FBXL7: variants seen among roughly 807,000 people sequenced by gnomAD.
The protein encoded by FBXL7 is F-box and leucine rich repeat protein 7.
In FBXL7, 12 loss-of-function variants were observed where a neutral mutation model predicts 38.3. The ratio of observed to expected loss-of-function variants is 0.31; its 90% CI spans 0.20 to 0.51. The LOEUF is 0.51. FBXL7 is among the 20% of genes least tolerant of loss of function. The pLI is 0.98. For synonymous variants in FBXL7, 297 were observed against 300.9 expected (o/e 0.99, Z 0.13); for missense variants, 567 against 676.4 (o/e 0.84, Z 1.79).
intron 2 of FBXL7, among the ~76,000 whole-genome samples, chr5:15,895,229 A>G (rs1051234716): frequency 2.0e-5 from 3 of 152,204 alleles, no homozygotes; most frequent in African/African-American, 7.2e-5. Context: ...ATGATTACCG[A>G]TGAGTGAGGG....
chr5:15,913,896 G>A (rs1458141379), intron 2 of FBXL7, among the ~76,000 whole-genome samples: 1 of 152,130 alleles, frequency 6.6e-6, no homozygotes, highest in Non-Finnish European at 1.5e-5. Flanking sequence ...AGAGAAGCCA[G>A]TTCCAGTTAT....
At chr5:15,519,884 G>A (rs1253951135) in intron 1 of FBXL7, among the ~76,000 whole-genome samples, 1 of 152,142 alleles carries the variant, frequency 6.6e-6, no homozygotes, top group African/African-American at 2.4e-5. Context: ...AAAGAATTCA[G>A]GGCGAGTCCA....
intron 1 of FBXL7, among the ~76,000 whole-genome samples, chr5:15,502,321 C>T (rs904870677): frequency 6.7e-6 from 1 of 149,222 alleles, no homozygotes; most frequent in African/African-American, 2.5e-5. Flanking sequence ...CCAGCATTCT[C>T]GTATTGTGCA....
intron 1 of FBXL7, among the ~76,000 whole-genome samples, chr5:15,548,635 G>A (rs1737981082): frequency 6.6e-6 from 1 of 152,264 alleles, no homozygotes; most frequent in Non-Finnish European, 1.5e-5. Flanking sequence ...CATTTTAGAA[G>A]GTTTATTTGC....
At chr5:15,761,877 T>G (rs1215243689) in intron 2 of FBXL7, among the ~76,000 whole-genome samples, 1 of 152,230 alleles carries the variant, frequency 6.6e-6, no homozygotes, top group Non-Finnish European at 1.5e-5. Flanking sequence ...CTTTTTTGAA[T>G]AAAAGTGCTT....
At chr5:15,726,057 T>A (rs139688080) in intron 2 of FBXL7, among the ~76,000 whole-genome samples, 6 of 152,310 alleles carry the variant, frequency 3.9e-5, no homozygotes, top group African/African-American at 1.4e-4. Context: ...TGATATTAGA[T>A]GTATGAAAGT....
intron 2 of FBXL7, among the ~76,000 whole-genome samples, chr5:15,828,300 C>T (rs1738367436): frequency 6.6e-6 from 1 of 152,022 alleles, no homozygotes; most frequent in African/African-American, 2.4e-5. Flanking sequence ...TATATAACAC[C>T]CAGATAAATT....
At chr5:15,921,817 G>A (rs1352293314) in intron 2 of FBXL7, among the ~76,000 whole-genome samples, 1 of 152,180 alleles carries the variant, frequency 6.6e-6, no homozygotes, top group Non-Finnish European at 1.5e-5. Context: ...CGTGTTAGGA[G>A]ATCTGTTATC....
At chr5:15,560,155 A>G (rs1738371066) in intron 1 of FBXL7, among the ~76,000 whole-genome samples, 1 of 152,182 alleles carries the variant, frequency 6.6e-6, no homozygotes, top group Admixed American at 6.6e-5. Context: ...AAACTTTGAG[A>G]ACAGATTGAT....
chr5:15,868,764 C>G (rs1739826501), intron 2 of FBXL7, among the ~76,000 whole-genome samples: 1 of 152,130 alleles, frequency 6.6e-6, no homozygotes, highest in Non-Finnish European at 1.5e-5. Flanking sequence ...TCAATGGAAC[C>G]TCCTCCTTAA....
intron 2 of FBXL7, among the ~76,000 whole-genome samples, chr5:15,748,941 T>C (rs1030389600): frequency 4.6e-5 from 7 of 152,114 alleles, no homozygotes; most frequent in Non-Finnish European, 1.0e-4. Flanking sequence ...ATGGCTAACA[T>C]GTCTTTAAGA....
At chr5:15,899,363 G>A (rs546397060) in intron 2 of FBXL7, among the ~76,000 whole-genome samples, 1 of 152,238 alleles carries the variant, frequency 6.6e-6, no homozygotes, top group Non-Finnish European at 1.5e-5. Context: ...CACCGCGCCT[G>A]GCCAATCATT....
At chr5:15,853,382 A>G (rs944878718) in intron 2 of FBXL7, among the ~76,000 whole-genome samples, 1 of 152,174 alleles carries the variant, frequency 6.6e-6, no homozygotes, top group African/African-American at 2.4e-5. Flanking sequence ...GAAAGGGGTT[A>G]CTAGTTGAAT....
intron 2 of FBXL7, among the ~76,000 whole-genome samples, chr5:15,703,595 A>C (rs1743594362): frequency 6.6e-6 from 1 of 152,148 alleles, no homozygotes; most frequent in Non-Finnish European, 1.5e-5. Flanking sequence ...TCTAGGTGAA[A>C]AGTCATTAAC....
chr5:15,682,341 T>A (rs1742868077), intron 2 of FBXL7, among the ~76,000 whole-genome samples: 1 of 152,106 alleles, frequency 6.6e-6, no homozygotes, highest in Non-Finnish European at 1.5e-5. Context: ...TACTAACACA[T>A]CACTGCAAGA....
At chr5:15,709,636 G>T (rs1459315502) in intron 2 of FBXL7, among the ~76,000 whole-genome samples, 2 of 151,382 alleles carry the variant, frequency 1.3e-5, no homozygotes, top group South Asian at 4.2e-4. Context: ...TCTTGTCTTA[G>T]ACACCATGAT....
intron 2 of FBXL7, among the ~76,000 whole-genome samples, chr5:15,777,190 G>A (rs1363138366): frequency 2.0e-5 from 3 of 152,036 alleles, no homozygotes; most frequent in African/African-American, 7.2e-5. Flanking sequence ...CTTACTGAAA[G>A]TCACACATTG....
At chr5:15,820,870 C>T in intron 2 of FBXL7, among the ~76,000 whole-genome samples, 1 of 152,090 alleles carries the variant, frequency 6.6e-6, no homozygotes, top group Non-Finnish European at 1.5e-5. Context: ...ATCCCACACC[C>T]CCAAACTCCA....
At chr5:15,693,656 G>A (rs557181658) in intron 2 of FBXL7, among the ~76,000 whole-genome samples, 42 of 152,234 alleles carry the variant, frequency 2.8e-4, no homozygotes, top group Middle Eastern at 3.4e-3. Flanking sequence ...AGACCCTAGC[G>A]GACACACGCA....
Sources: allele counts gnomAD v4.1 joint callset (sites outside exome capture counted in the v4.1 genomes callset), GRCh38; gene constraint gnomAD v4.1.1; transcripts MANE v1.5; gene names NCBI Gene and HGNC (gene_info 2026-07-23, HGNC 2026-07-21).